The following BICD2 variants were observed in gnomAD, a reference collection of about 807,000 sequenced individuals.
BICD2 encodes protein bicaudal D homolog 2.
A neutral mutation model predicts 72.9 loss-of-function variants in BICD2; 25 were observed. That is an observed-to-expected ratio of 0.34 (90% CI 0.25 to 0.48). The LOEUF (loss-of-function observed/expected upper bound fraction) is 0.48. Ranked by LOEUF, BICD2 falls within the 20% of genes least tolerant of loss-of-function variation. The probability of loss-of-function intolerance (pLI) is 0.99; values close to 1 mark genes in which losing one functional copy is unlikely to be tolerated. For synonymous variants in BICD2, 501 were observed against 516.1 expected, an observed-to-expected ratio of 0.97 and a Z score of 0.40; for missense variants, 894 against 1,175.2, an observed-to-expected ratio of 0.76 and a Z score of 3.50.
chr9:92,736,018 T>C (rs778491618), intron 1 of BICD2, among the ~76,000 whole-genome samples: 6 of 152,208 alleles, frequency 3.9e-5, no homozygotes, highest in African/African-American at 9.7e-5. Context: ...TCAGAGGCGT[T>C]TGAACCAGAA....
intron 2 of BICD2, 74 bp from the exon 3 acceptor site, chr9:92,722,882 C>T (rs762271305): frequency 1.0e-4 from 158 of 1,577,634 alleles, no homozygotes; most frequent in African/African-American, 1.5e-4. Flanking sequence ...CAGCCAGGCA[C>T]GCCATGGCCA....
rs766087023 is a variant in BICD2, at chr9:92,722,778, G to A, written c.484C>T (p.Arg162Cys). 5.8e-5 allele frequency: 93 copies of A among 1,613,766 alleles called. No homozygotes were observed. The highest frequency in any genetic ancestry group is 2.7e-5 in the African/African-American group (2 of 74,816). The change falls in exon 3 of 7, where the codon CGC becomes TGC. Residue 162 changes from arginine to cysteine, a missense_variant. Arg to Cys is a radical substitution (Grantham distance 180). Coordinates refer to ENST00000356884, the MANE Select transcript of BICD2 (RefSeq NM_001003800.2). ...INQNVEIQRG[R>C]LRDDIKEYKF... ...TACTCCTTGATGTCATCCCGCAGGC[G>A]GCCACGCTGGATCTCCACATTCTGG... is the stretch of plus-strand genomic sequence containing the variant.
intron 1 of BICD2, among the ~76,000 whole-genome samples, chr9:92,753,431 G>T (rs1342359078): frequency 6.6e-6 from 1 of 151,712 alleles, no homozygotes; most frequent in Non-Finnish European, 1.5e-5. Flanking sequence ...CTGGGTGTGG[G>T]GTATACAGCA....
At position 92,719,084 on chromosome 9, in the gene BICD2, T is replaced by C. The variant is rs1286725301; in HGVS notation, c.1561A>G (p.Ser521Gly). 2 of 1,613,060 alleles carry C rather than the reference T, an allele frequency of 1.2e-6. No individual in the cohort carries two copies. The highest frequency in any genetic ancestry group is 2.7e-5 in the African/African-American group (2 of 75,050). Reference sequence around the variant, plus strand: ...GTCACCAGCTCATCCTGGGCCACACTCAGGCTGCCCTGTGTCTCGCCGGCG... The same window carrying C: ...GTCACCAGCTCATCCTGGGCCACACCCAGGCTGCCCTGTGTCTCGCCGGCG... ...DVAGETQGSL[S>G]VAQDELVTFS... is the part of the protein sequence containing the mutation. Residue 521 changes from serine (S) to glycine (G), a missense_variant, in exon 5 of 7, where the codon AGT (serine) becomes GGT (glycine). By Grantham distance (56) the Ser-to-Gly change is moderately conservative. This residue lies in a region of BICD2 where 371 missense variants were observed against 439.1 expected (regional missense o/e 0.84). Coordinates refer to ENST00000356884, the MANE Select transcript of BICD2 (RefSeq NM_001003800.2).
intron 1 of BICD2, among the ~76,000 whole-genome samples, chr9:92,743,962 T>C (rs993025360): frequency 3.9e-5 from 6 of 152,146 alleles, no homozygotes; most frequent in South Asian, 2.1e-4. Flanking sequence ...GAATGGCTAG[T>C]ACATAAATCA....
At chr9:92,723,375 A>G (rs2131504925) in intron 2 of BICD2, among the ~76,000 whole-genome samples, 1 of 152,374 alleles carries the variant, frequency 6.6e-6, no homozygotes, top group Non-Finnish European at 1.5e-5. Context: ...AATGTTGTTC[A>G]GCCACAATAA....
chr9:92,715,626 C>T (rs554134445), intron 6 of BICD2, among the ~76,000 whole-genome samples, 163 bp from the exon 7 acceptor site: 1 of 152,262 alleles, frequency 6.6e-6, no homozygotes, highest in South Asian at 2.1e-4. Context: ...ATTATTCTGG[C>T]TTATTTTAGC....
At chr9:92,718,052 C>G (rs1182661966) in intron 5 of BICD2, 104 bp from the exon 6 acceptor site, 1 of 1,419,640 alleles carries the variant, frequency 7.0e-7, no homozygotes, top group Non-Finnish European at 9.5e-7. Context: ...GTGGCAGTGC[C>G]TGGGAAGAAA....
At chr9:92,747,554 C>T (rs947097199) in intron 1 of BICD2, among the ~76,000 whole-genome samples, 2 of 152,272 alleles carry the variant, frequency 1.3e-5, no homozygotes, top group Admixed American at 1.3e-4. Flanking sequence ...TGGAAAAGTC[C>T]AGCAGCTGTC....
intron 1 of BICD2, among the ~76,000 whole-genome samples, chr9:92,737,323 T>C (rs546693577): frequency 6.6e-6 from 1 of 152,298 alleles, no homozygotes; most frequent in African/African-American, 2.4e-5. Context: ...AGCTTTAAAA[T>C]ACAGGTTCAG....
chr9:92,719,628 C>T (rs747226421), intron 4 of BICD2, 46 bp from the exon 5 acceptor site: 2 of 1,510,490 alleles, frequency 1.3e-6, no homozygotes, highest in South Asian at 2.5e-5. Context: ...TGCTATGGAC[C>T]CCGAGAGCTT....
At chr9:92,725,155 G>T (rs540415355) in intron 2 of BICD2, among the ~76,000 whole-genome samples, 9 of 152,332 alleles carry the variant, frequency 5.9e-5, no homozygotes, top group Admixed American at 5.2e-4. Context: ...TACCATTAGG[G>T]TCCCCCAGAG....
Position 92,764,418 on chromosome 9 carries a change from G to A in BICD2, c.240+87C>T, listed in dbSNP as rs1021948609. The A allele has an allele frequency of 4.9e-5, 67 of 1,366,816 alleles. No homozygotes were observed. The highest frequency in any genetic ancestry group is 5.5e-5 in the Non-Finnish European group (59 of 1,063,318). 84.7% of individuals were successfully genotyped at this position (1,366,816 alleles called of 1,614,324 possible). ...ACCCCTGCCGGCCCCCGCTTGGCAAGCTGACCTTGGCCGCCCTGGTGCCAG... is the reference window on the plus strand; with the variant it reads ...ACCCCTGCCGGCCCCCGCTTGGCAAACTGACCTTGGCCGCCCTGGTGCCAG... On this transcript the variant is annotated intron_variant, in intron 1 of 6. Transcript: ENST00000356884. This position sits in a 1 kb window ranked among gnomAD's most constrained non-coding sequence, Gnocchi z 5.5.
Position 92,718,551 on chromosome 9 carries a change from C to G in BICD2, c.2094G>C (p.Lys698Asn). The G allele has an allele frequency of 6.2e-7, 1 of 1,610,428 alleles. No individual in the cohort carries two copies. The highest frequency in any genetic ancestry group is 8.5e-7 in the Non-Finnish European group (1 of 1,178,422). The stretch of plus-strand genomic sequence containing the variant: ...CCTGGCACCTCACCTGCTTGTTGGC[C>G]TTGAGCACAGTGCGCAGCGTGGTGA... ...EQITTLRTVLKANKQTAEVAL... is the reference protein window; with the variant it reads ...EQITTLRTVLNANKQTAEVAL... Residue 698 changes from lysine (K) to asparagine (N), a missense_variant, in exon 5 of 7, where the codon AAG (lysine) becomes AAC (asparagine). Lys to Asn is a moderately conservative substitution (Grantham distance 94). Transcript: ENST00000356884.
chr9:92,737,438 T>C (rs1373725895), intron 1 of BICD2, among the ~76,000 whole-genome samples: 1 of 152,104 alleles, frequency 6.6e-6, no homozygotes, highest in Non-Finnish European at 1.5e-5. Context: ...AGGATGTGGT[T>C]GAGGCTATTG....
intron 2 of BICD2, among the ~76,000 whole-genome samples, chr9:92,723,373 T>G (rs1853502254): frequency 6.6e-6 from 1 of 152,180 alleles, no homozygotes; most frequent in Admixed American, 6.5e-5. Flanking sequence ...GGAATGTTGT[T>G]CAGCCACAAT....
chr9:92,756,045 T>C (rs1403909521), intron 1 of BICD2, among the ~76,000 whole-genome samples: 1 of 152,138 alleles, frequency 6.6e-6, no homozygotes, highest in African/African-American at 2.4e-5. Flanking sequence ...CACTATGACC[T>C]CAGCACCCTC....
chr9:92,730,663 T>C (rs1237229493), intron 1 of BICD2, among the ~76,000 whole-genome samples: 3 of 152,154 alleles, frequency 2.0e-5, no homozygotes, highest in African/African-American at 4.8e-5. Context: ...ATGTGTTGTG[T>C]GTGTGTGTCT....
At chr9:92,752,071 C>G (rs1415726657) in intron 1 of BICD2, among the ~76,000 whole-genome samples, 1 of 152,196 alleles carries the variant, frequency 6.6e-6, no homozygotes, top group Non-Finnish European at 1.5e-5. Flanking sequence ...TCCCAAAGTG[C>G]TGGGATTACA....
Sources: allele counts gnomAD v4.1 joint callset (sites outside exome capture counted in the v4.1 genomes callset), GRCh38; gene constraint gnomAD v4.1.1; regional missense constraint gnomAD v4.1.1; non-coding constraint Gnocchi (gnomAD v3.1); transcripts MANE v1.5; gene names NCBI Gene and HGNC (gene_info 2026-07-23, HGNC 2026-07-21).